The following THRA variants were observed in gnomAD, a reference collection of about 807,000 sequenced individuals.
The protein encoded by THRA is EAR-7.
Under a neutral mutation model 45.0 loss-of-function variants are expected in THRA, and 13 were observed. The observed-to-expected ratio is 0.29, with a 90% CI of 0.19 to 0.46. The LOEUF (loss-of-function observed/expected upper bound fraction) is 0.46, where lower values mean the gene tolerates loss of function less well. THRA is among the 20% of genes least tolerant of loss of function. The pLI, the probability that THRA is intolerant of heterozygous loss-of-function variation, is 1.00. For synonymous variants in THRA, 195 were observed against 214.0 expected, an observed-to-expected ratio of 0.91 and a Z score of 0.78; for missense variants, 278 against 556.1, an observed-to-expected ratio of 0.50 and a Z score of 5.03.
chr17:40,065,759 T>C (rs1221550843), intron 1 of THRA, among the ~76,000 whole-genome samples: 1 of 34,600 alleles, frequency 2.9e-5, no homozygotes, highest in African/African-American at 8.5e-5. Context: ...TTTTAGGGGC[T>C]GGGAATGGGG....
At chr17:40,088,126 G>T (rs745485437) in intron 7 of THRA, 116 bp from the exon 8 acceptor site, 63 of 1,402,560 alleles carry the variant, frequency 4.5e-5, no homozygotes, top group Non-Finnish European at 5.9e-5. Context: ...AAGGTCAGCC[G>T]TTCAGAGTCC....
intron 4 of THRA, among the ~76,000 whole-genome samples, chr17:40,083,374 C>T (rs1024407400): frequency 3.3e-5 from 5 of 152,034 alleles, no homozygotes; most frequent in Admixed American, 6.5e-5. Flanking sequence ...ACCTCATGCC[C>T]GGCTAATTTT....
chr17:40,063,354 C>G (rs1050020134), intron 1 of THRA, among the ~76,000 whole-genome samples: 1 of 152,264 alleles, frequency 6.6e-6, no homozygotes, highest in East Asian at 1.9e-4. Context: ...GAGCCTCCCC[C>G]TGGAGGGCCC....
intron 6 of THRA, among the ~76,000 whole-genome samples, chr17:40,085,212 T>C (rs1987280264): frequency 6.6e-6 from 1 of 152,212 alleles, no homozygotes; most frequent in African/African-American, 2.4e-5. Context: ...ATGATGAGTT[T>C]GGGACCAGGT....
At chr17:40,083,433 G>A (rs182224737) in intron 4 of THRA, among the ~76,000 whole-genome samples, 19 of 150,990 alleles carry the variant, frequency 1.3e-4, no homozygotes, top group Non-Finnish European at 1.0e-4. Context: ...GGCTGGTCTC[G>A]AACTCCCGAC....
intron 2 of THRA, among the ~76,000 whole-genome samples, 197 bp from the exon 3 acceptor site, chr17:40,076,674 C>A (rs970593613): frequency 6.6e-6 from 1 of 152,112 alleles, no homozygotes; most frequent in African/African-American, 2.4e-5. Flanking sequence ...CACAGCCAAG[C>A]CCCTTATCTC....
chr17:40,071,908 AGTGAGG>A (rs766170908), intron 1 of THRA, among the ~76,000 whole-genome samples: 27 of 152,238 alleles, frequency 1.8e-4, no homozygotes, highest in Non-Finnish European at 3.1e-4. Context: ...CTGGGTACCC[AGTGAGG>A]GTGCCCTAGG....
intron 2 of THRA, among the ~76,000 whole-genome samples, chr17:40,076,251 G>A (rs992805501): frequency 1.1e-4 from 16 of 152,178 alleles, no homozygotes; most frequent in African/African-American, 3.9e-4. Flanking sequence ...TATTGCTGTG[G>A]GTTATTTAGC....
chr17:40,070,477 C>T (rs1230939881), intron 1 of THRA, among the ~76,000 whole-genome samples: 1 of 152,216 alleles, frequency 6.6e-6, no homozygotes, highest in Non-Finnish European at 1.5e-5. Context: ...AGCACTGCCA[C>T]CACCACAGAC....
intron 1 of THRA, among the ~76,000 whole-genome samples, chr17:40,072,427 C>T (rs574884631): frequency 7.2e-5 from 11 of 152,150 alleles, no homozygotes; most frequent in South Asian, 2.1e-4. Flanking sequence ...CTTGGGCCTC[C>T]GGCTGGCGAG....
chr17:40,087,308 G>GAC (rs149986300), intron 7 of THRA, among the ~76,000 whole-genome samples: 6,641 of 105,428 alleles, frequency 0.063, 519 homozygotes, highest in African/African-American at 0.21. Flanking sequence ...CACAGATACA[G>GAC]ACACACACAC....
chr17:40,083,353 C>T (rs1416722697), intron 4 of THRA, among the ~76,000 whole-genome samples: 1 of 152,040 alleles, frequency 6.6e-6, no homozygotes, highest in Non-Finnish European at 1.5e-5. Flanking sequence ...AGGCATGAGC[C>T]ACTGCACCCA....
rs201132068 is a variant in THRA, at chr17:40,092,965, T to C, written c.*3509T>C. 1 of 1,580,810 alleles carries C rather than the reference T, an allele frequency of 6.3e-7. No homozygotes were observed. Among genetic ancestry groups the C allele is most frequent in the Non-Finnish European group, 8.6e-7 (1 of 1,161,214 alleles). ...GGGGCCAGAGGCTCATCTTGGAATA[T>C]TTTATAACAATATAAATAAGATTCT... On this transcript the variant is annotated 3_prime_UTR_variant, in exon 9 of 9. Transcript: ENST00000450525.
intron 1 of THRA, among the ~76,000 whole-genome samples, chr17:40,065,839 G>A (rs890205197): frequency 3.3e-5 from 5 of 152,250 alleles, no homozygotes; most frequent in Admixed American, 1.3e-4. Context: ...CACCAGTTCT[G>A]TGGGCACCCT....
At chr17:40,063,662 T>C (rs953716186) in intron 1 of THRA, among the ~76,000 whole-genome samples, 3 of 152,134 alleles carry the variant, frequency 2.0e-5, no homozygotes, top group African/African-American at 7.2e-5. Flanking sequence ...ACACTGCTAA[T>C]TGCAAAAACG....
intron 4 of THRA, among the ~76,000 whole-genome samples, chr17:40,083,381 T>C (rs1987214582): frequency 6.6e-6 from 1 of 152,122 alleles, no homozygotes; most frequent in Non-Finnish European, 1.5e-5. Flanking sequence ...GCCCGGCTAA[T>C]TTTCTATTTT....
rs202167768 is a variant in THRA, at chr17:40,092,967, T to G, written c.*3511T>G. 6 of 1,582,332 alleles carry G rather than the reference T, an allele frequency of 3.8e-6. No individual in the cohort carries two copies. Among genetic ancestry groups the G allele is most frequent in the Non-Finnish European group, 5.2e-6 (6 of 1,161,912 alleles). ...GGCCAGAGGCTCATCTTGGAATATT[T>G]TATAACAATATAAATAAGATTCTGG... On this transcript the variant is annotated 3_prime_UTR_variant, in exon 9 of 9. Transcript: ENST00000450525.
upstream of THRA, chr17:40,062,569 C>G (rs529543356): frequency 6.6e-6 from 1 of 152,310 alleles, no homozygotes; most frequent in Admixed American, 6.5e-5. Context: ...CTCGTCGATA[C>G]TTCCTCCTCC....
downstream of THRA, chr17:40,093,794 A>G (rs1987682452): frequency 1.2e-6 from 1 of 851,234 alleles, no homozygotes; most frequent in Non-Finnish European, 1.9e-6. The surrounding 1 kb of genome is among the most constrained non-coding windows in gnomAD (Gnocchi z 5.9). Flanking sequence ...TGTCTGAATC[A>G]TGTCTGTATC....
Sources: gnomAD v4.1 joint callset for allele counts (sites outside exome capture counted in the v4.1 genomes callset) on GRCh38, gnomAD v4.1.1 for gene constraint, Gnocchi (gnomAD v3.1) non-coding constraint, MANE v1.5 for transcripts, NCBI Gene and HGNC (gene_info 2026-07-23, HGNC 2026-07-21) for gene names.